LRRTM3: variants seen among roughly 807,000 people sequenced by gnomAD.
LRRTM3 encodes leucine-rich repeat transmembrane neuronal protein 3.
In LRRTM3, 24 loss-of-function variants were observed where a neutral mutation model predicts 44.7. The ratio of observed to expected loss-of-function variants is 0.54; its 90% confidence interval spans 0.39 to 0.76. The LOEUF is 0.76. Among genes scored for constraint, LRRTM3 ranks in the 30% least tolerant of loss-of-function variants. The pLI is 0.00. For missense variants in LRRTM3, 587 were observed against 702.2 expected (o/e 0.84, Z 1.85); for synonymous variants, 277 against 278.7 (o/e 0.99, Z 0.06).
chr10:67,028,240 TTTGTTG>T (rs1330984749), intron 2 of LRRTM3, among the ~76,000 whole-genome samples: 1 of 152,154 alleles, frequency 6.6e-6, no homozygotes. Flanking sequence ...TCATTGTTTG[TTTGTTG>T]TTGTTGTTAT....
intron 2 of LRRTM3, among the ~76,000 whole-genome samples, chr10:66,958,812 A>T (rs966234828): frequency 9.9e-5 from 15 of 152,130 alleles, no homozygotes. Context: ...CTGCTCAAAG[A>T]AGAAGGAAAG....
At chr10:67,032,586 C>A (rs991556988) in intron 2 of LRRTM3, among the ~76,000 whole-genome samples, 3 of 152,138 alleles carry the variant, frequency 2.0e-5, no homozygotes, top group Admixed American at 6.5e-5. Flanking sequence ...AGGTATTAAG[C>A]ATCAGACAGA....
rs564632839 is a variant in LRRTM3, at chr10:67,023,882, T to C, written c.1537-73705T>C. 4.6e-5 allele frequency among the ~76,000 whole-genome samples: 7 copies of C among 152,322 alleles called. No individual in the cohort carries two copies. In the South Asian group the frequency reaches 1.5e-3, roughly 32 times the overall value. ...CTTCAGGTAGAATGACACTCAATACTTGGATGGTGTTACTATGAAATTCAT... is the reference window on the plus strand; with the variant it reads ...CTTCAGGTAGAATGACACTCAATACCTGGATGGTGTTACTATGAAATTCAT... On this transcript the variant is annotated intron_variant, in intron 2 of 2. Coordinates refer to ENST00000361320, the MANE Select transcript of LRRTM3 (RefSeq NM_178011.5).
At chr10:67,069,162 G>A (rs544856348) in intron 2 of LRRTM3, among the ~76,000 whole-genome samples, 2 of 152,156 alleles carry the variant, frequency 1.3e-5, no homozygotes, top group South Asian at 4.2e-4. Flanking sequence ...TGGCAACAGT[G>A]AAAGTAGGCT....
chr10:67,035,739 A>T (rs567514665), intron 2 of LRRTM3, among the ~76,000 whole-genome samples: 9 of 152,192 alleles, frequency 5.9e-5, no homozygotes, highest in Non-Finnish European at 1.0e-4. Flanking sequence ...CATCACAGAA[A>T]TGCTTTCACT....
At chr10:66,956,764 T>G (rs1848811762) in intron 2 of LRRTM3, among the ~76,000 whole-genome samples, 1 of 152,192 alleles carries the variant, frequency 6.6e-6, no homozygotes, top group Admixed American at 6.6e-5. Context: ...TCAACTGAAT[T>G]TGGCAAATCA....
chr10:67,074,375 G>A (rs1487363982), intron 2 of LRRTM3, among the ~76,000 whole-genome samples: 2 of 113,060 alleles, frequency 1.8e-5, no homozygotes, highest in Admixed American at 2.1e-4. Flanking sequence ...TTTTGAGACG[G>A]AGTCTCGCTC....
intron 2 of LRRTM3, among the ~76,000 whole-genome samples, chr10:67,091,731 G>C (rs1302175478): frequency 6.6e-6 from 1 of 152,058 alleles, no homozygotes; most frequent in East Asian, 1.9e-4. Context: ...TGTCAAGAAA[G>C]TAACTGGCAA....
chr10:67,074,371 G>A (rs1306973619), intron 2 of LRRTM3, among the ~76,000 whole-genome samples: 1 of 82,418 alleles, frequency 1.2e-5, no homozygotes, highest in African/African-American at 6.2e-5. Context: ...TTTTTTTTGA[G>A]ACGGAGTCTC....
At chr10:66,967,067 A>G (rs1236614706) in intron 2 of LRRTM3, among the ~76,000 whole-genome samples, 1 of 152,064 alleles carries the variant, frequency 6.6e-6, no homozygotes, top group Non-Finnish European at 1.5e-5. Context: ...ACCTGGTACC[A>G]CTATAAGCAG....
chr10:66,983,985 T>A (rs1850589646), intron 2 of LRRTM3, among the ~76,000 whole-genome samples: 1 of 152,182 alleles, frequency 6.6e-6, no homozygotes, highest in Non-Finnish European at 1.5e-5. Flanking sequence ...AATTTTATAG[T>A]TGATGATAAT....
Position 66,926,495 on chromosome 10 carries a change from C to G in LRRTM3, c.-89C>G. The G allele has an allele frequency of 6.8e-7, 1 of 1,479,124 alleles. No homozygotes were observed. Among genetic ancestry groups the G allele is most frequent in the Non-Finnish European group, 9.3e-7 (1 of 1,070,684 alleles). The allele number at this position is 1,479,124 out of a possible 1,614,324, so 91.6% of individuals were successfully genotyped here. The stretch of plus-strand genomic sequence containing the variant: ...TCCTGGGTGTCAGCGAGCCCTGACT[C>G]ACTACAGTGCAGCTGACAGGGGCTG... On this transcript the variant is annotated 5_prime_UTR_variant, in exon 1 of 3. Coordinates refer to ENST00000361320, the MANE Select transcript of LRRTM3 (RefSeq NM_178011.5).
intron 2 of LRRTM3, among the ~76,000 whole-genome samples, chr10:67,083,522 C>T (rs796532828): frequency 1.1e-4 from 17 of 152,226 alleles, no homozygotes; most frequent in African/African-American, 3.9e-4. Context: ...ATTTTAACTA[C>T]ATTTGAGTTA....
intron 2 of LRRTM3, among the ~76,000 whole-genome samples, chr10:67,002,854 A>AT (rs1851763262): frequency 6.6e-6 from 1 of 152,130 alleles, no homozygotes; most frequent in African/African-American, 2.4e-5. Context: ...ATAAAAAACA[A>AT]TTTTTTAATA....
At chr10:67,081,579 C>G (rs79448097) in intron 2 of LRRTM3, among the ~76,000 whole-genome samples, 482 of 152,300 alleles carry the variant, frequency 3.2e-3, no homozygotes, top group Middle Eastern at 0.024. Context: ...TATCTGACTT[C>G]AGGCTCTCAT....
At position 67,097,911 on chromosome 10, in the gene LRRTM3, T is replaced by C; in HGVS notation, c.*115T>C. ...CAAAACAAAACACAAAATCCCCTGT[T>C]CAAATAAACAAAAAATCCAAGATTG... On this transcript the variant is annotated 3_prime_UTR_variant, in exon 3 of 3. Coordinates refer to ENST00000361320, the MANE Select transcript of LRRTM3 (RefSeq NM_178011.5). 1.2e-6 allele frequency: 1 copy of C among 864,166 alleles called. No homozygotes were observed. The highest frequency in any genetic ancestry group is 1.8e-6 in the Non-Finnish European group (1 of 558,320). The allele number at this position is 864,166 out of a possible 1,614,324, so 53.5% of individuals were successfully genotyped here. A position where few individuals can be genotyped will look rare whatever the true frequency, so the allele number is the denominator to read the frequency against.
At chr10:66,958,251 C>T (rs1848926377) in intron 2 of LRRTM3, among the ~76,000 whole-genome samples, 1 of 141,048 alleles carries the variant, frequency 7.1e-6, no homozygotes, top group Admixed American at 7.7e-5. Context: ...GATTTAGCAA[C>T]TTAGCATTTA....
Position 66,928,419 on chromosome 10 carries a change from C to T in LRRTM3, c.1503C>T (p.Cys501=). 6.2e-7 allele frequency: 1 copy of T among 1,611,112 alleles called. No individual in the cohort carries two copies. The highest frequency in any genetic ancestry group is 1.1e-5 in the South Asian group (1 of 90,546). The change falls in exon 2 of 3, where the codon TGC becomes TGT. Residue 501 remains cysteine, a synonymous_variant. Transcript: ENST00000361320. ...SEMLLNGTGP[C]TYNKSGSREC... is the part of the protein sequence containing the mutation. ...TGCTGCTGAATGGGACGGGACCCTG[C>T]ACCTATAACAAATCGGGCTCCAGGG...
chr10:67,022,436 T>C (rs778001402), intron 2 of LRRTM3, among the ~76,000 whole-genome samples: 1 of 152,058 alleles, frequency 6.6e-6, no homozygotes, highest in African/African-American at 2.4e-5. Context: ...ATCATAGAAG[T>C]TGGCTACTCC....
Sources: allele counts gnomAD v4.1 joint callset (sites outside exome capture counted in the v4.1 genomes callset), GRCh38; gene constraint gnomAD v4.1.1; transcripts MANE v1.5; gene names NCBI Gene and HGNC (gene_info 2026-07-23, HGNC 2026-07-21).